The following MACROD2 variants were observed in gnomAD, a reference collection of about 807,000 sequenced individuals.
MACROD2 encodes the protein ADP-ribose glycohydrolase MACROD2.
In MACROD2, 36 loss-of-function variants were observed where a neutral mutation model predicts 70.4. The ratio of observed to expected loss-of-function variants is 0.51; its 90% CI spans 0.39 to 0.68. MACROD2 has a LOEUF of 0.68. MACROD2 is among the 30% of genes least tolerant of loss of function. The pLI is 0.00. For missense variants in MACROD2, 496 were observed against 538.4 expected (o/e 0.92, Z 0.78); for synonymous variants, 172 against 178.8 (o/e 0.96, Z 0.30).
In MACROD2 at chr20:15,603,698, G is replaced by GA. The variant is rs537009922; in HGVS notation, c.645+103856dup. 9.1e-3 allele frequency among the ~76,000 whole-genome samples: 1,376 copies of GA among 151,994 alleles called. 25 individuals carry two copies. The highest frequency in any genetic ancestry group is 0.032 in the African/African-American group (1,327 of 41,466). ...AAAGCCAGTTTTTCCAGTATTGCAG[G>GA]AAAAATCACTACACTAGTTAGCATA... is the stretch of plus-strand genomic sequence containing the variant. On this transcript the variant is annotated intron_variant, in intron 8 of 17. Coordinates refer to ENST00000684519, the MANE Select transcript of MACROD2 (RefSeq NM_001351661.2).
At chr20:15,665,891 G>A (rs1176688119) in intron 8 of MACROD2, among the ~76,000 whole-genome samples, 1 of 152,098 alleles carries the variant, frequency 6.6e-6, no homozygotes, top group South Asian at 2.1e-4. Context: ...GCCGCCTGGT[G>A]AAGCTCTGCC....
chr20:15,038,017 G>A (rs955890730), intron 5 of MACROD2, among the ~76,000 whole-genome samples: 3 of 152,054 alleles, frequency 2.0e-5, no homozygotes, highest in African/African-American at 7.2e-5. Context: ...ATTATACACT[G>A]TATACATGTA....
Position 16,001,438 on chromosome 20 carries a change from CT to C in MACROD2, c.1153+14283del, listed in dbSNP as rs1220712147. Among the ~76,000 whole-genome samples the C allele has an allele frequency of 2.0e-5, 3 of 152,272 alleles. No homozygotes were observed. In the East Asian group the frequency reaches 5.8e-4, roughly 29 times the overall value. On this transcript the variant is annotated intron_variant, in intron 15 of 17. Transcript: ENST00000684519. ...GGTTTGGATTGATTGTATGTGATTG[CT>C]TTATTTCATTGTGAAACTTCAAAGG...
chr20:14,739,858 T>C lies in MACROD2; in HGVS notation c.418+54899T>C, dbSNP rs1212635574. Among the ~76,000 whole-genome samples, 3 of 152,102 alleles carry C rather than the reference T, an allele frequency of 2.0e-5. No homozygotes were observed. In the East Asian group the frequency reaches 5.8e-4, roughly 29 times the overall value. On this transcript the variant is annotated intron_variant, in intron 5 of 17. Coordinates refer to ENST00000684519, the MANE Select transcript of MACROD2 (RefSeq NM_001351661.2). Reference sequence around the variant, plus strand: ...TGATGTTGTAAAATAATACATAAAATGGTATTAAATATATGGAAATGCATT... The same window carrying C: ...TGATGTTGTAAAATAATACATAAAACGGTATTAAATATATGGAAATGCATT...
chr20:14,952,772 T>C (rs1455351743), intron 5 of MACROD2, among the ~76,000 whole-genome samples: 1 of 152,156 alleles, frequency 6.6e-6, no homozygotes, highest in African/African-American at 2.4e-5. Context: ...AAAGTGGTTT[T>C]TAAAAATCAT....
chr20:14,329,139 G>A (rs2082789092), intron 3 of MACROD2: 1 of 152,010 alleles, frequency 6.6e-6, no homozygotes, highest in Non-Finnish European at 1.5e-5. Context: ...ATTACCTGCT[G>A]TGAAATAGCT....
chr20:15,655,774 C>T (rs1269019652), intron 8 of MACROD2, among the ~76,000 whole-genome samples: 1 of 152,202 alleles, frequency 6.6e-6, no homozygotes, highest in Admixed American at 6.5e-5. Flanking sequence ...CATGTCCACA[C>T]GCACTTTTCT....
At chr20:14,754,086 A>G (rs2071909420) in intron 5 of MACROD2, among the ~76,000 whole-genome samples, 1 of 152,144 alleles carries the variant, frequency 6.6e-6, no homozygotes, top group Non-Finnish European at 1.5e-5. Context: ...AAAGTAAGCT[A>G]CCAGTTGGAA....
At chr20:15,919,797 G>T (rs964410108) in intron 10 of MACROD2, among the ~76,000 whole-genome samples, 1 of 152,094 alleles carries the variant, frequency 6.6e-6, no homozygotes, top group Admixed American at 6.6e-5. Flanking sequence ...CTGTCAGCGG[G>T]TATTGCCCTG....
intron 5 of MACROD2, among the ~76,000 whole-genome samples, chr20:15,216,491 C>A (rs568139616): frequency 3.9e-5 from 6 of 151,986 alleles, no homozygotes; most frequent in African/African-American, 1.4e-4. Flanking sequence ...TCACAGTAGA[C>A]GTGAATGAAG....
chr20:15,625,703 T>G (rs1313123217), intron 8 of MACROD2, among the ~76,000 whole-genome samples: 2 of 152,050 alleles, frequency 1.3e-5, no homozygotes, highest in African/African-American at 4.8e-5. Context: ...AACAAAGACT[T>G]TAACAGCAAG....
At chr20:15,814,972 G>A (rs894925814) in intron 8 of MACROD2, among the ~76,000 whole-genome samples, 33 of 144,590 alleles carry the variant, frequency 2.3e-4, no homozygotes, top group African/African-American at 8.3e-4. Context: ...GGCAGAATAT[G>A]TAGTGTTTGC....
chr20:14,764,364 T>A (rs1417034986), intron 5 of MACROD2, among the ~76,000 whole-genome samples: 1 of 152,054 alleles, frequency 6.6e-6, no homozygotes, highest in Non-Finnish European at 1.5e-5. Flanking sequence ...TTGACATGCT[T>A]TTCCAGTTGC....
At chr20:15,807,830 C>A (rs1205338846) in intron 8 of MACROD2, among the ~76,000 whole-genome samples, 1 of 151,982 alleles carries the variant, frequency 6.6e-6, no homozygotes, top group Non-Finnish European at 1.5e-5. Flanking sequence ...GAGGAGACCA[C>A]CCCTTATATT....
chr20:15,934,664 C>T (rs1440328195), intron 11 of MACROD2, among the ~76,000 whole-genome samples: 2 of 151,934 alleles, frequency 1.3e-5, no homozygotes, highest in Non-Finnish European at 2.9e-5. Flanking sequence ...GTGTCCCAAA[C>T]TGTTTTTTTT....
intron 9 of MACROD2, among the ~76,000 whole-genome samples, chr20:15,871,958 A>G (rs1456775268): frequency 6.6e-6 from 1 of 152,210 alleles, no homozygotes; most frequent in Non-Finnish European, 1.5e-5. Context: ...TGGATTCATC[A>G]TCTGCTTTTA....
At chr20:15,838,842 A>T (rs1282191884) in intron 8 of MACROD2, among the ~76,000 whole-genome samples, 1 of 151,770 alleles carries the variant, frequency 6.6e-6, no homozygotes, top group Non-Finnish European at 1.5e-5. Context: ...GTCTGGTTTC[A>T]TTTGATAAAA....
rs879882782 is a variant in MACROD2, at chr20:15,030,193, AACTG to A, written c.419-199746_419-199743del. Among the ~76,000 whole-genome samples the A allele has an allele frequency of 1.5e-3, 225 of 152,210 alleles. 4 individuals are homozygous for A. The East Asian group carries it at 0.037, about 25-fold the overall frequency. On this transcript the variant is annotated intron_variant, in intron 5 of 17. Coordinates refer to ENST00000684519, the MANE Select transcript of MACROD2 (RefSeq NM_001351661.2). The stretch of plus-strand genomic sequence containing the variant: ...ATCTCCATGACTGAGGGTTTTCTAG[AACTG>A]TGGAAGGTCCCTTTGCACAAGGCAG...
At chr20:14,616,132 A>G (rs1983463657) in intron 4 of MACROD2, among the ~76,000 whole-genome samples, 1 of 152,164 alleles carries the variant, frequency 6.6e-6, no homozygotes, top group Non-Finnish European at 1.5e-5. Flanking sequence ...TTGTATTACT[A>G]TCTGGGACTT....
Sources: gnomAD v4.1 joint callset for allele counts (sites outside exome capture counted in the v4.1 genomes callset) on GRCh38, gnomAD v4.1.1 for gene constraint, MANE v1.5 for transcripts, NCBI Gene and HGNC (gene_info 2026-07-23, HGNC 2026-07-21) for gene names.